The following AK8 variants were observed in gnomAD, a reference collection of about 807,000 sequenced individuals.
AK8 encodes the protein adenylate kinase 8.
Under a neutral mutation model 54.6 loss-of-function variants are expected in AK8, and 44 were observed. That is an observed-to-expected ratio of 0.81 (90% CI 0.63 to 1.04). The LOEUF (loss-of-function observed/expected upper bound fraction) is 1.04. Among genes scored for constraint, AK8 ranks in the 50% least tolerant of loss-of-function variants. The pLI, the probability that AK8 is intolerant of heterozygous loss-of-function variation, is 0.00. For missense variants in AK8, 555 were observed against 613.6 expected (o/e 0.90, Z 1.01); for synonymous variants, 239 against 245.6 (o/e 0.97, Z 0.25).
intron 10 of AK8, among the ~76,000 whole-genome samples, chr9:132,811,016 G>A (rs1387299600): frequency 1.3e-5 from 2 of 152,186 alleles, no homozygotes; most frequent in Non-Finnish European, 2.9e-5. Context: ...TAGAGAGGTG[G>A]TTCACAAAGA....
intron 2 of AK8, among the ~76,000 whole-genome samples, chr9:132,874,007 C>T (rs1048231735): frequency 3.9e-5 from 6 of 152,112 alleles, no homozygotes; most frequent in African/African-American, 9.7e-5. Flanking sequence ...AAATCAGACA[C>T]GGGGAAGGGG....
chr9:132,871,602 C>T (rs564026746), intron 2 of AK8, among the ~76,000 whole-genome samples: 13 of 152,134 alleles, frequency 8.5e-5, no homozygotes, highest in East Asian at 1.9e-4. Context: ...GAGGACAGAC[C>T]CCCCCGGCTG....
chr9:132,807,195 G>T (rs943500621), intron 10 of AK8, among the ~76,000 whole-genome samples: 4 of 152,284 alleles, frequency 2.6e-5, no homozygotes, highest in African/African-American at 4.8e-5. Flanking sequence ...TGCTGGGGGG[G>T]GCGGGGCCAC....
At chr9:132,839,770 T>A (rs537845756) in intron 5 of AK8, among the ~76,000 whole-genome samples, 4 of 137,070 alleles carry the variant, frequency 2.9e-5, no homozygotes, top group Non-Finnish European at 6.2e-5. Flanking sequence ...TTGCGGCTTA[T>A]GACAGAATAC....
At chr9:132,771,860 G>A (rs1470606999) in intron 11 of AK8, among the ~76,000 whole-genome samples, 1 of 152,202 alleles carries the variant, frequency 6.6e-6, no homozygotes, top group African/African-American at 2.4e-5. Flanking sequence ...ACAGGAAAGA[G>A]GATTAATGGA....
At chr9:132,802,404 A>G (rs1263803650) in intron 10 of AK8, among the ~76,000 whole-genome samples, 1 of 152,136 alleles carries the variant, frequency 6.6e-6, no homozygotes, top group Admixed American at 6.5e-5. Flanking sequence ...TTCAGACAGA[A>G]GTGTATCCTG....
intron 11 of AK8, among the ~76,000 whole-genome samples, chr9:132,774,570 C>T (rs567130573): frequency 2.1e-4 from 32 of 152,164 alleles, no homozygotes; most frequent in African/African-American, 7.5e-4. Flanking sequence ...TGATGTCTCC[C>T]GAAGTCCCCT....
chr9:132,790,629 G>A lies in AK8; in HGVS notation c.1121+2005C>T, dbSNP rs1314895249. On this transcript the variant is annotated intron_variant, in intron 11 of 12. Coordinates refer to ENST00000298545, the MANE Select transcript of AK8 (RefSeq NM_152572.3). This position sits in a 1 kb window ranked among gnomAD's most constrained non-coding sequence, Gnocchi z 4.1. Reference sequence around the variant, plus strand: ...CCTTAATGTCAGCAGTACCAGGACAGCCCTTATGGTCAGGAAAAACCACCG... The same window carrying A: ...CCTTAATGTCAGCAGTACCAGGACAACCCTTATGGTCAGGAAAAACCACCG... Among the ~76,000 whole-genome samples, 1 of 152,170 alleles carries A rather than the reference G, an allele frequency of 6.6e-6. No homozygotes were observed. The highest frequency in any genetic ancestry group is 1.5e-5 in the Non-Finnish European group (1 of 68,032).
chr9:132,812,763 A>G (rs1408218621), intron 10 of AK8, among the ~76,000 whole-genome samples: 1 of 152,138 alleles, frequency 6.6e-6, no homozygotes, highest in African/African-American at 2.4e-5. Flanking sequence ...TGGAATCTGA[A>G]CCAGACTGGG....
intron 3 of AK8, among the ~76,000 whole-genome samples, chr9:132,864,544 A>G (rs73660283): frequency 0.097 from 14,825 of 152,216 alleles, 1,412 homozygotes; most frequent in African/African-American, 0.24. Context: ...TTTGGCTTTG[A>G]AGCTGCCTTT....
intron 10 of AK8, among the ~76,000 whole-genome samples, chr9:132,802,662 C>A (rs1307119819): frequency 6.6e-6 from 1 of 152,192 alleles, no homozygotes; most frequent in Non-Finnish European, 1.5e-5. Context: ...ACACACTATC[C>A]CTGCAGATGC....
intron 4 of AK8, among the ~76,000 whole-genome samples, chr9:132,856,767 G>A (rs1843188705): frequency 6.6e-6 from 1 of 152,174 alleles, no homozygotes; most frequent in South Asian, 2.1e-4. Flanking sequence ...GCCACTTCGT[G>A]GGCATGACGG....
intron 11 of AK8, among the ~76,000 whole-genome samples, chr9:132,730,109 T>G (rs777098805): frequency 2.6e-5 from 4 of 152,208 alleles, no homozygotes; most frequent in Non-Finnish European, 4.4e-5. Flanking sequence ...GAGGGGCCTA[T>G]GGGTGCCAAG....
At chr9:132,789,597 C>CA (rs578003731) in intron 11 of AK8, among the ~76,000 whole-genome samples, 31,179 of 57,850 alleles carry the variant, frequency 0.54, 9,118 homozygotes, top group South Asian at 0.76. Flanking sequence ...ACTCATCTCA[C>CA]AAAAAAAAAA....
At chr9:132,733,313 G>GCC (rs150155973) in intron 11 of AK8, among the ~76,000 whole-genome samples, 1 of 152,010 alleles carries the variant, frequency 6.6e-6, no homozygotes, top group African/African-American at 2.4e-5. Context: ...TGAACACGCG[G>GCC]CCCCCCTTGC....
At chr9:132,776,528 C>A (rs1412381422) in intron 11 of AK8, among the ~76,000 whole-genome samples, 2 of 152,218 alleles carry the variant, frequency 1.3e-5, no homozygotes, top group East Asian at 3.8e-4. Flanking sequence ...AGGCAGCCTG[C>A]TGTGGGGGCG....
intron 7 of AK8, 82 bp from the exon 8 acceptor site, chr9:132,827,136 G>C (rs1841907410): frequency 1.4e-6 from 2 of 1,437,082 alleles, no homozygotes; most frequent in Admixed American, 3.4e-5. Context: ...GGTGCTTGCT[G>C]TCCTGGAGGC....
chr9:132,866,740 G>A (rs530858257), intron 3 of AK8, among the ~76,000 whole-genome samples, 164 bp downstream of exon 3: 2 of 152,226 alleles, frequency 1.3e-5, no homozygotes, highest in Non-Finnish European at 2.9e-5. Context: ...GTAGTTTCTA[G>A]GTTTTCTGCT....
intron 4 of AK8, among the ~76,000 whole-genome samples, chr9:132,858,145 G>A (rs954132513): frequency 5.9e-5 from 9 of 152,244 alleles, no homozygotes; most frequent in African/African-American, 1.4e-4. Context: ...AGTTGCTCCC[G>A]TGCTGCTTCC....
Sources: allele counts gnomAD v4.1 joint callset (sites outside exome capture counted in the v4.1 genomes callset), GRCh38; gene constraint gnomAD v4.1.1; non-coding constraint Gnocchi (gnomAD v3.1); transcripts MANE v1.5; gene names NCBI Gene and HGNC (gene_info 2026-07-23, HGNC 2026-07-21).